TG: variants seen among roughly 807,000 people sequenced by gnomAD.
The protein encoded by TG is thyroglobulin, also known as thyroid hormones.
In TG, 270 loss-of-function variants were observed where a neutral mutation model predicts 324.7. The ratio of observed to expected loss-of-function variants is 0.83; its 90% CI spans 0.75 to 0.92. The LOEUF is 0.92. TG is among the 40% of genes least tolerant of loss of function. The pLI is 0.00. For missense variants in TG, 3,591 were observed against 3,456.4 expected, an observed-to-expected ratio of 1.04 and a Z score of -0.98; for synonymous variants, 1,401 against 1,327.0, an observed-to-expected ratio of 1.06 and a Z score of -1.21.
intron 20 of TG, among the ~76,000 whole-genome samples, chr8:132,915,102 T>C (rs1453588866): frequency 6.6e-6 from 1 of 152,166 alleles, no homozygotes; most frequent in Non-Finnish European, 1.5e-5. Context: ...TGTATGCACA[T>C]GTGTATGTTG....
chr8:133,063,241 C>T lies in TG; in HGVS notation c.7240-31803C>T, dbSNP rs537806303. Among the ~76,000 whole-genome samples, 6 of 151,940 alleles carry T rather than the reference C, an allele frequency of 3.9e-5. No homozygotes were observed. The South Asian group carries it at 1.0e-3, about 26-fold the overall frequency. ...CCCAGAACCCCGCCCCCATAAGTTC[C>T]ACCCCTCCAGATGCCAGGGTGCCCC... is the stretch of plus-strand genomic sequence containing the variant. On this transcript the variant is annotated intron_variant, in intron 41 of 47. Coordinates refer to ENST00000220616, the MANE Select transcript of TG (RefSeq NM_003235.5).
intron 41 of TG, among the ~76,000 whole-genome samples, chr8:133,072,592 G>A (rs1844233962): frequency 6.6e-6 from 1 of 152,204 alleles, no homozygotes; most frequent in African/African-American, 2.4e-5. Flanking sequence ...CTCTCTCAGA[G>A]CTGGGAGAAA....
rs560121415 is a variant in TG at position 133,051,815 on chromosome 8, T to C, written c.7239+21792T>C. Among the ~76,000 whole-genome samples, 9 of 152,330 alleles carry C rather than the reference T, an allele frequency of 5.9e-5. No individual in the cohort carries two copies. The East Asian group carries it at 1.7e-3, about 29-fold the overall frequency. Reference sequence around the variant, plus strand: ...ACAAGATGTCTTCTGTATCAGCAAATACAGTTATTATTTGCTATGACTTTC... The same window carrying C: ...ACAAGATGTCTTCTGTATCAGCAAACACAGTTATTATTTGCTATGACTTTC... On this transcript the variant is annotated intron_variant, in intron 41 of 47. Transcript: ENST00000220616.
intron 41 of TG, chr8:133,038,795 G>C: frequency 8.2e-7 from 1 of 1,220,962 alleles, no homozygotes; most frequent in Non-Finnish European, 1.2e-6. Context: ...CATAGAGAGA[G>C]GAGGAGATAA....
chr8:132,967,653 G>T (rs1468150704), intron 30 of TG, 141 bp from the exon 31 acceptor site: 2 of 934,164 alleles, frequency 2.1e-6, no homozygotes, highest in African/African-American at 1.6e-5. Flanking sequence ...TTCCAGACTG[G>T]ATGATCATGA....
At chr8:132,929,967 C>T (rs1208772549) in intron 23 of TG, among the ~76,000 whole-genome samples, 2 of 152,126 alleles carry the variant, frequency 1.3e-5, no homozygotes, top group South Asian at 4.1e-4. Flanking sequence ...TGAGCGTAGT[C>T]GCAATAGTTA....
At chr8:133,036,180 G>T (rs1315333278) in intron 41 of TG, among the ~76,000 whole-genome samples, 2 of 152,190 alleles carry the variant, frequency 1.3e-5, no homozygotes, top group Admixed American at 6.5e-5. Context: ...CATTGCCTCT[G>T]CTTGGAGGCC....
At chr8:133,040,234 A>C (rs1352330586) in intron 41 of TG, 3 of 1,276,288 alleles carry the variant, frequency 2.4e-6, no homozygotes, top group Non-Finnish European at 1.1e-6. Flanking sequence ...GGCTGCTGCC[A>C]TGGGGAACTG....
At chr8:132,875,152 A>G (rs897228891) in intron 5 of TG, among the ~76,000 whole-genome samples, 1 of 152,188 alleles carries the variant, frequency 6.6e-6, no homozygotes, top group Non-Finnish European at 1.5e-5. Flanking sequence ...GCAAATTTAC[A>G]AAGTTGTAAA....
intron 43 of TG, among the ~76,000 whole-genome samples, chr8:133,101,241 G>T (rs1049682522): frequency 1.3e-5 from 2 of 152,202 alleles, no homozygotes; most frequent in African/African-American, 4.8e-5. Context: ...GGGCACAGTG[G>T]ACAACCAAGT....
intron 41 of TG, among the ~76,000 whole-genome samples, chr8:133,041,257 C>T (rs907607537): frequency 6.6e-6 from 1 of 152,248 alleles, no homozygotes; most frequent in Non-Finnish European, 1.5e-5. Context: ...ACACCTCTGA[C>T]AGGCCCCACT....
At chr8:132,961,742 C>A (rs1187907532) in intron 28 of TG, among the ~76,000 whole-genome samples, 1 of 148,316 alleles carries the variant, frequency 6.7e-6, no homozygotes, top group Non-Finnish European at 1.5e-5. Context: ...AGGTCATGGC[C>A]ATATGTGCTG....
At chr8:132,993,683 A>G (rs920627780) in intron 35 of TG, among the ~76,000 whole-genome samples, 1 of 152,218 alleles carries the variant, frequency 6.6e-6, no homozygotes, top group East Asian at 1.9e-4. Flanking sequence ...CTGAATGGTT[A>G]TGTCTTAAAC....
intron 44 of TG, among the ~76,000 whole-genome samples, chr8:133,115,975 A>G (rs1262597006): frequency 6.6e-6 from 1 of 152,006 alleles, no homozygotes; most frequent in Non-Finnish European, 1.5e-5. Flanking sequence ...TTTCCACTGT[A>G]GGATGTTCAG....
chr8:133,109,711 A>G (rs2979032), intron 43 of TG, among the ~76,000 whole-genome samples: 33,943 of 151,984 alleles, frequency 0.22, 4,307 homozygotes, highest in South Asian at 0.31. Flanking sequence ...TGCACCAGGG[A>G]CCCAGCACAG....
At chr8:133,068,818 G>T (rs895825666) in intron 41 of TG, among the ~76,000 whole-genome samples, 3 of 152,246 alleles carry the variant, frequency 2.0e-5, no homozygotes, top group Non-Finnish European at 4.4e-5. Context: ...TAGACTTTCT[G>T]TACACAGAGG....
At chr8:132,934,345 C>G (rs1823243634) in intron 24 of TG, among the ~76,000 whole-genome samples, 1 of 151,752 alleles carries the variant, frequency 6.6e-6, no homozygotes, top group African/African-American at 2.4e-5. Context: ...AAAAAACAAA[C>G]AAAAAAACCT....
chr8:132,934,361 T>A (rs1823249397), intron 24 of TG, among the ~76,000 whole-genome samples: 1 of 151,984 alleles, frequency 6.6e-6, no homozygotes, highest in Non-Finnish European at 1.5e-5. Context: ...AACCTATAAT[T>A]GTGGCTTAAA....
chr8:132,874,855 A>G (rs970064214), intron 5 of TG, among the ~76,000 whole-genome samples: 1 of 152,238 alleles, frequency 6.6e-6, no homozygotes, highest in Non-Finnish European at 1.5e-5. Flanking sequence ...GCATCAAGAC[A>G]CTGGCTTTAC....
Sources: gnomAD v4.1 joint callset for allele counts (sites outside exome capture counted in the v4.1 genomes callset) on GRCh38, gnomAD v4.1.1 for gene constraint, MANE v1.5 for transcripts, NCBI Gene and HGNC (gene_info 2026-07-23, HGNC 2026-07-21) for gene names.